Variants in TRPM8 observed in about 807,000 individuals in gnomAD.
TRPM8 encodes transient receptor potential cation channel subfamily M member 8.
Under a neutral mutation model 133.7 loss-of-function variants are expected in TRPM8, and 110 were observed. The observed-to-expected ratio is 0.82, with a 90% confidence interval of 0.70 to 0.96. TRPM8 has a LOEUF of 0.96. Among genes scored for constraint, TRPM8 ranks in the 40% least tolerant of loss-of-function variants. The pLI, the probability that TRPM8 is intolerant of heterozygous loss-of-function variation, is 0.00. For missense variants in TRPM8, 1,291 were observed against 1,379.5 expected (o/e 0.94, Z 1.02); for synonymous variants, 535 against 532.3 (o/e 1.01, Z -0.07).
intron 20 of TRPM8, 75 bp downstream of exon 20, chr2:233,983,299 C>CCGGAGACCGCACTT: frequency 6.4e-7 from 1 of 1,562,218 alleles, no homozygotes; most frequent in Non-Finnish European, 8.8e-7. Flanking sequence ...CAGGGCTGCC[C>CCGGAGACCGCACTT]CGGAGACCGC....
chr2:234,000,748 G>A (rs978169370), intron 22 of TRPM8, among the ~76,000 whole-genome samples: 16 of 151,536 alleles, frequency 1.1e-4, no homozygotes, highest in Non-Finnish European at 7.4e-5. Flanking sequence ...GCGCAGTCTC[G>A]GCTCTCTGAA....
chr2:233,992,053 C>T (rs1022098496), intron 21 of TRPM8, among the ~76,000 whole-genome samples: 2 of 152,082 alleles, frequency 1.3e-5, no homozygotes. Flanking sequence ...ATGGATCTGG[C>T]AGATTCCTTG....
intron 2 of TRPM8, among the ~76,000 whole-genome samples, chr2:233,929,264 T>C (rs930502604): frequency 6.6e-6 from 1 of 152,182 alleles, no homozygotes; most frequent in African/African-American, 2.4e-5. Flanking sequence ...CCCTCTTTCA[T>C]GGGGTCTGGG....
chr2:233,950,159 G>T lies in TRPM8; in HGVS notation c.1140+13G>T, dbSNP rs1292276483. Reference sequence around the variant, plus strand: ...TTGGATCAAATGGGTAAGTTGTCGGGACCATGTCTGAGGGCTGAGAAAATA... The same window carrying T: ...TTGGATCAAATGGGTAAGTTGTCGGTACCATGTCTGAGGGCTGAGAAAATA... On this transcript the variant is annotated intron_variant, in intron 9 of 25. Transcript: ENST00000324695. 6.2e-7 allele frequency: 1 copy of T among 1,608,856 alleles called. No homozygotes were observed. Among genetic ancestry groups the T allele is most frequent in the Non-Finnish European group, 8.5e-7 (1 of 1,178,322 alleles).
intron 22 of TRPM8, 26 bp from the exon 23 acceptor site, chr2:234,006,827 A>C: frequency 6.5e-7 from 1 of 1,548,486 alleles, no homozygotes; most frequent in Non-Finnish European, 8.9e-7. Flanking sequence ...AACAATTTGA[A>C]TGTTTTCTTT....
intron 9 of TRPM8, among the ~76,000 whole-genome samples, chr2:233,952,138 T>C (rs1019677950): frequency 7.2e-5 from 11 of 152,216 alleles, no homozygotes; most frequent in African/African-American, 2.7e-4. Context: ...CTCTCATTTA[T>C]TAATTTATTC....
intron 9 of TRPM8, among the ~76,000 whole-genome samples, chr2:233,952,149 A>G (rs1238514337): frequency 6.6e-6 from 1 of 152,162 alleles, no homozygotes; most frequent in Non-Finnish European, 1.5e-5. Flanking sequence ...TAATTTATTC[A>G]GTAGATATTT....
intron 5 of TRPM8, among the ~76,000 whole-genome samples, chr2:233,941,898 A>T (rs1262440315): frequency 6.6e-6 from 1 of 152,078 alleles, no homozygotes; most frequent in Non-Finnish European, 1.5e-5. Context: ...ATGGGGGTCC[A>T]GGAGCAGAGT....
chr2:233,955,607 G>A (rs545047207), intron 11 of TRPM8, among the ~76,000 whole-genome samples: 9 of 152,320 alleles, frequency 5.9e-5, no homozygotes, highest in African/African-American at 1.9e-4. Context: ...ATGATTGAAA[G>A]TAGCTCAACT....
intron 17 of TRPM8, among the ~76,000 whole-genome samples, chr2:233,970,940 G>C (rs140890830): frequency 2.0e-5 from 3 of 152,058 alleles, no homozygotes; most frequent in Admixed American, 2.0e-4. Context: ...ATTTTTTGGC[G>C]TCGTCTCTCT....
At position 233,970,246 on chromosome 2, in the gene TRPM8, G is replaced by A; in HGVS notation, c.2175G>A (p.Trp725Ter). ...TCGACAAGCACAAGAAGCTGCTTTGGTACTATGTGGCGTTCTTCACCTCCC... is the reference window on the plus strand; with the variant it reads ...TCGACAAGCACAAGAAGCTGCTTTGATACTATGTGGCGTTCTTCACCTCCC... The part of the protein sequence containing the change: ...KPVDKHKKLL[W>*]YYVAFFTSPF... Residue 725 changes from tryptophan to a stop codon, truncating the protein, a stop_gained, in exon 17 of 26, where the codon TGG (tryptophan) becomes TGA (stop). Transcript: ENST00000324695. LOFTEE classifies it high-confidence loss of function. 1 of 1,614,164 alleles carries A rather than the reference G, an allele frequency of 6.2e-7. No homozygotes were observed. Among genetic ancestry groups the A allele is most frequent in the South Asian group, 1.1e-5 (1 of 91,072 alleles).
chr2:234,000,822 G>A (rs1692541844), intron 22 of TRPM8, among the ~76,000 whole-genome samples: 1 of 152,144 alleles, frequency 6.6e-6, no homozygotes, highest in Non-Finnish European at 1.5e-5. Flanking sequence ...GGGATTACAG[G>A]CGTGCACCAC....
rs1323684726 is a variant in TRPM8 at position 234,006,944 on chromosome 2, C to T, written c.3222C>T (p.Thr1074=). 1.2e-6 allele frequency: 2 copies of T among 1,612,932 alleles called. No homozygotes were observed. Among genetic ancestry groups the T allele is most frequent in the Admixed American group, 3.3e-5 (2 of 60,012 alleles). The stretch of plus-strand genomic sequence containing the variant: ...AGATCAACACAAAAGCCAACGACAC[C>T]TCAGAGGAGTATGTCAGACATCCCT... The part of the protein sequence containing the change: ...LVKINTKAND[T]SEEMRHRFRQ... Residue 1074 remains threonine, a synonymous_variant, in exon 23 of 26, where the codon ACC becomes ACT. Transcript: ENST00000324695.
intron 23 of TRPM8, 60 bp downstream of exon 23, chr2:234,007,012 A>G: frequency 7.7e-7 from 1 of 1,301,450 alleles, no homozygotes; most frequent in South Asian, 1.2e-5. Flanking sequence ...AGCCCATAGA[A>G]CGTAGGCAGC....
intron 12 of TRPM8, 138 bp downstream of exon 12, chr2:233,961,204 C>T (rs1691429406): frequency 1.2e-6 from 1 of 845,660 alleles, no homozygotes; most frequent in Admixed American, 2.9e-5. Flanking sequence ...TTTTTAACTC[C>T]CTTTATTTAA....
chr2:233,951,013 C>T (rs746959608), intron 9 of TRPM8, among the ~76,000 whole-genome samples: 28 of 151,906 alleles, frequency 1.8e-4, no homozygotes, highest in Non-Finnish European at 2.6e-4. Context: ...CCTGCCTGGA[C>T]AATGTAGTGA....
rs1265614847 is a variant in TRPM8, at chr2:233,945,852, T to G, written c.700-4T>G. On this transcript the variant is annotated splice_region_variant and splice_polypyrimidine_tract_variant and intron_variant, in intron 6 of 25. Coordinates refer to ENST00000324695, the MANE Select transcript of TRPM8 (RefSeq NM_024080.5). Reference sequence around the variant, plus strand: ...TCAAAGACAAGTTTCCCTGTACTTTTCAGGGCTATTTTTTAGCCCAGTACC... The same window carrying G: ...TCAAAGACAAGTTTCCCTGTACTTTGCAGGGCTATTTTTTAGCCCAGTACC... 1 of 1,608,390 alleles carries G rather than the reference T, an allele frequency of 6.2e-7. No homozygotes were observed. Among genetic ancestry groups the G allele is most frequent in the South Asian group, 1.1e-5 (1 of 90,710 alleles).
intron 17 of TRPM8, among the ~76,000 whole-genome samples, chr2:233,977,477 G>A (rs867340205): frequency 2.0e-5 from 3 of 152,206 alleles, no homozygotes; most frequent in South Asian, 2.1e-4. Context: ...CAAGTCTCCC[G>A]GGCTGAGGTT....
Position 233,985,821 on chromosome 2 carries a change from A to G in TRPM8, c.2895A>G (p.Leu965=). Reference sequence around the variant, plus strand: ...TCCCCCTGGTGTGCATCTACATGTTATCCACCAACATCCTGCTGGTCAACC... The same window carrying G: ...TCCCCCTGGTGTGCATCTACATGTTGTCCACCAACATCCTGCTGGTCAACC... The part of the protein sequence containing the change: ...ITIPLVCIYM[L]STNILLVNLL... The change falls in exon 21 of 26, where the codon TTA becomes TTG. Residue 965 remains leucine, a synonymous_variant. Transcript: ENST00000324695. 1 of 1,614,088 alleles carries G rather than the reference A, an allele frequency of 6.2e-7. No homozygotes were observed. Among genetic ancestry groups the G allele is most frequent in the Non-Finnish European group, 8.5e-7 (1 of 1,180,004 alleles).
Sources: allele counts gnomAD v4.1 joint callset (sites outside exome capture counted in the v4.1 genomes callset), GRCh38; gene constraint gnomAD v4.1.1; transcripts MANE v1.5; gene names NCBI Gene and HGNC (gene_info 2026-07-23, HGNC 2026-07-21).